The following DGKG variants were observed in gnomAD, a reference collection of about 807,000 sequenced individuals.
The protein encoded by DGKG is diacylglycerol kinase gamma, also known as DAG kinase gamma.
In DGKG, 78 loss-of-function variants were observed where a neutral mutation model predicts 105.3. The ratio of observed to expected loss-of-function variants is 0.74; its 90% CI spans 0.62 to 0.89. DGKG has a LOEUF of 0.89. Among genes scored for constraint, DGKG ranks in the 40% least tolerant of loss-of-function variants. The pLI, the probability that DGKG is intolerant of heterozygous loss-of-function variation, is 0.00. For missense variants in DGKG, 958 were observed against 1,020.1 expected (o/e 0.94, Z 0.83); for synonymous variants, 346 against 367.1 (o/e 0.94, Z 0.66).
chr3:186,354,888 G>A (rs1726834071), intron 1 of DGKG, among the ~76,000 whole-genome samples: 2 of 151,968 alleles, frequency 1.3e-5, no homozygotes, highest in Non-Finnish European at 2.9e-5. Flanking sequence ...ATTATGTTGG[G>A]GGTTTCCTTA....
chr3:186,245,803 G>C (rs902428090), intron 19 of DGKG, among the ~76,000 whole-genome samples: 18 of 151,974 alleles, frequency 1.2e-4, no homozygotes, highest in African/African-American at 4.4e-4. Context: ...TGAGATATTG[G>C]AGTATCTAGG....
intron 21 of DGKG, among the ~76,000 whole-genome samples, chr3:186,202,409 A>G (rs1252474372): frequency 1.3e-5 from 2 of 152,248 alleles, no homozygotes; most frequent in Admixed American, 6.5e-5. Flanking sequence ...CCAACAAGAC[A>G]TATTTGTATA....
In DGKG at chr3:186,288,949, C is replaced by A. The variant is rs528548814; in HGVS notation, c.374-69G>T. 15 of 1,432,466 alleles carry A rather than the reference C, an allele frequency of 1.0e-5. No homozygotes were observed. In the African/African-American group the frequency reaches 1.9e-4, roughly 18 times the overall value. The allele number at this position is 1,432,466 out of a possible 1,614,324, so 88.7% of individuals were successfully genotyped here. A position where few individuals can be genotyped will look rare whatever the true frequency, so the allele number is the denominator to read the frequency against. On this transcript the variant is annotated intron_variant, in intron 5 of 24. Coordinates refer to ENST00000265022, the MANE Select transcript of DGKG (RefSeq NM_001346.3). ...AGTAAATATTAACCCCTCTTTGTTA[C>A]CCCATCCTTTTCATGGTAGAGGCAA... is the stretch of plus-strand genomic sequence containing the variant.
chr3:186,174,652 CTGTGTGTGTGTGTGTGTGTGTGTG>C (rs67342971), intron 22 of DGKG, among the ~76,000 whole-genome samples: 23 of 145,832 alleles, frequency 1.6e-4, no homozygotes, highest in Admixed American at 2.1e-4. Flanking sequence ...TTCCCTGCGG[CTGTGTGTGTGTGTGTGTGTGTGTG>C]TGTGTGTGTG....
chr3:186,215,412 CAAAAAAAAA>C (rs71632094), intron 20 of DGKG, among the ~76,000 whole-genome samples: 1 of 73,384 alleles, frequency 1.4e-5, no homozygotes, highest in Non-Finnish European at 2.5e-5. Context: ...CCCCCATCTC[CAAAAAAAAA>C]AAAAAAAAAA....
chr3:186,194,883 T>C (rs1718102011), intron 21 of DGKG, among the ~76,000 whole-genome samples: 1 of 149,650 alleles, frequency 6.7e-6, no homozygotes, highest in African/African-American at 2.5e-5. Context: ...GCAGTTGGAT[T>C]ACCTGAGGTC....
chr3:186,269,495 G>A (rs1211789172), intron 11 of DGKG, among the ~76,000 whole-genome samples: 1 of 152,196 alleles, frequency 6.6e-6, no homozygotes, highest in Non-Finnish European at 1.5e-5. Flanking sequence ...TGGCCCTTTG[G>A]GAGTACCCAC....
chr3:186,218,353 A>C (rs1392813720), intron 20 of DGKG, among the ~76,000 whole-genome samples: 1 of 151,752 alleles, frequency 6.6e-6, no homozygotes, highest in Non-Finnish European at 1.5e-5. Flanking sequence ...AAATACAAAA[A>C]ATTAGCTGGG....
chr3:186,335,406 A>G (rs1725785844), intron 1 of DGKG, among the ~76,000 whole-genome samples: 1 of 152,208 alleles, frequency 6.6e-6, no homozygotes, highest in South Asian at 2.1e-4. Context: ...GTAATATTTA[A>G]GCTCTTTTTA....
chr3:186,254,923 C>A (rs904768780), intron 17 of DGKG, among the ~76,000 whole-genome samples: 1 of 152,180 alleles, frequency 6.6e-6, no homozygotes, highest in African/African-American at 2.4e-5. Context: ...TTCTCCCTAG[C>A]CTCATCCTTC....
intron 13 of DGKG, 78 bp from the exon 14 acceptor site, chr3:186,265,384 A>G (rs768467869): frequency 2.7e-5 from 35 of 1,307,322 alleles, no homozygotes; most frequent in Non-Finnish European, 3.7e-5. Flanking sequence ...TGAAAAACAA[A>G]CGGCTGATAT....
intron 1 of DGKG, among the ~76,000 whole-genome samples, chr3:186,352,009 G>C (rs1203032362): frequency 6.6e-6 from 1 of 152,164 alleles, no homozygotes; most frequent in East Asian, 1.9e-4. Flanking sequence ...TGAGGCCCAA[G>C]CTTTGACCCC....
intron 1 of DGKG, among the ~76,000 whole-genome samples, chr3:186,333,950 A>T (rs1011656944): frequency 1.3e-5 from 2 of 152,142 alleles, no homozygotes; most frequent in African/African-American, 4.8e-5. Flanking sequence ...TCAGCTTGGT[A>T]AGTTCCCATG....
At chr3:186,277,798 T>C (rs1385720884) in intron 9 of DGKG, among the ~76,000 whole-genome samples, 1 of 152,188 alleles carries the variant, frequency 6.6e-6, no homozygotes, top group Non-Finnish European at 1.5e-5. Flanking sequence ...ATGCTGCTGC[T>C]ACGATTTTCC....
Position 186,150,337 on chromosome 3 carries a change from C to A in DGKG, c.2278-149G>T, listed in dbSNP as rs986252221. The A allele has an allele frequency of 4.9e-6, 5 of 1,010,858 alleles. No homozygotes were observed. The African/African-American group carries it at 6.5e-5, about 13-fold the overall frequency. The allele number at this position is 1,010,858 out of a possible 1,614,324, so 62.6% of individuals were successfully genotyped here. ...TGTCCTTGAACGGCTTCAAAATTGG[C>A]AACTTGACCCTGACTGGGCCTGGAG... On this transcript the variant is annotated intron_variant, in intron 24 of 24. Coordinates refer to ENST00000265022, the MANE Select transcript of DGKG (RefSeq NM_001346.3).
intron 1 of DGKG, among the ~76,000 whole-genome samples, chr3:186,324,516 GA>G (rs35971921): frequency 0.37 from 49,027 of 134,154 alleles, 8,722 homozygotes; most frequent in African/African-American, 0.48. Context: ...ACGATCAGCT[GA>G]AAAAAAAAAA....
intron 20 of DGKG, among the ~76,000 whole-genome samples, chr3:186,212,277 G>T (rs1305470909): frequency 6.6e-6 from 1 of 152,174 alleles, no homozygotes; most frequent in East Asian, 1.9e-4. Flanking sequence ...TCTCTTTTGG[G>T]TATGTTTGGG....
chr3:186,349,334 A>G (rs546973901), intron 1 of DGKG, among the ~76,000 whole-genome samples: 3 of 152,286 alleles, frequency 2.0e-5, no homozygotes, highest in Middle Eastern at 3.4e-3. Flanking sequence ...GTGAGAATTC[A>G]TGCTCATCTT....
chr3:186,279,617 C>A (rs1374239611), intron 9 of DGKG: 5 of 346,604 alleles, frequency 1.4e-5, no homozygotes, highest in African/African-American at 4.3e-5. Flanking sequence ...TATTCCCTCA[C>A]AGCATGCAGA....
Sources: gnomAD v4.1 joint callset for allele counts (sites outside exome capture counted in the v4.1 genomes callset) on GRCh38, gnomAD v4.1.1 for gene constraint, MANE v1.5 for transcripts, NCBI Gene and HGNC (gene_info 2026-07-23, HGNC 2026-07-21) for gene names.